Variants in EYS observed in about 807,000 individuals in gnomAD.
The protein encoded by EYS is EGF-like photoreceptor maintenance factor.
Under a neutral mutation model 282.1 loss-of-function variants are expected in EYS, and 250 were observed. That is an observed-to-expected ratio of 0.89 (90% CI 0.80 to 0.98). The LOEUF (loss-of-function observed/expected upper bound fraction) is 0.98. Among genes scored for constraint, EYS ranks in the 50% least tolerant of loss-of-function variants. EYS has a pLI of 0.00. For missense variants in EYS, 4,016 were observed against 3,709.0 expected (o/e 1.08, Z -2.15); for synonymous variants, 1,355 against 1,282.9 (o/e 1.06, Z -1.20).
intron 1 of EYS, among the ~76,000 whole-genome samples, chr6:65,650,419 G>A (rs1767613960): frequency 1.3e-5 from 2 of 152,210 alleles, no homozygotes. Flanking sequence ...GCCAGGCTGG[G>A]TTGTAACACA....
At chr6:64,950,297 CT>C (rs773891006) in intron 14 of EYS, among the ~76,000 whole-genome samples, 2 of 151,910 alleles carry the variant, frequency 1.3e-5, no homozygotes, top group Non-Finnish European at 1.5e-5. Context: ...ACTCCCAAGT[CT>C]TTATTTATTC....
Position 64,269,232 on chromosome 6 carries a change from C to T in EYS, c.6191+37738G>A, listed in dbSNP as rs143767389. ...CAAGGAAACCACACTATACTTTGCC[C>T]ATCTAAGATGGAATAGATTAATCTT... On this transcript the variant is annotated intron_variant, in intron 30 of 42. Coordinates refer to ENST00000503581, the MANE Select transcript of EYS (RefSeq NM_001142800.2). Among the ~76,000 whole-genome samples the T allele has an allele frequency of 4.3e-3, 653 of 152,124 alleles. 5 individuals carry two copies. The highest frequency in any genetic ancestry group is 0.015 in the African/African-American group (615 of 41,504).
intron 22 of EYS, among the ~76,000 whole-genome samples, chr6:64,774,533 A>G (rs544705391): frequency 6.6e-6 from 1 of 151,448 alleles, no homozygotes; most frequent in Non-Finnish European, 1.5e-5. Context: ...CCAGTTTCTC[A>G]ATTCAGCAAT....
chr6:65,598,650 T>C (rs1395615207), intron 2 of EYS, among the ~76,000 whole-genome samples: 1 of 152,138 alleles, frequency 6.6e-6, no homozygotes, highest in African/African-American at 2.4e-5. Context: ...AGCTCCTTTG[T>C]GGAAATTACA....
intron 28 of EYS, among the ~76,000 whole-genome samples, chr6:64,416,518 C>CTTTT (rs371267333): frequency 0.22 from 31,037 of 139,274 alleles, 3,777 homozygotes; most frequent in East Asian, 0.33. Context: ...GCCGTTAGGT[C>CTTTT]TTTTTTTTTT....
intron 12 of EYS, among the ~76,000 whole-genome samples, chr6:65,228,997 T>C (rs935124095): frequency 1.3e-5 from 2 of 151,930 alleles, no homozygotes; most frequent in African/African-American, 4.8e-5. Context: ...TTGCAAGATA[T>C]ACAAAAATTA....
intron 5 of EYS, among the ~76,000 whole-genome samples, chr6:65,445,623 C>A (rs147150670): frequency 1.4e-4 from 21 of 151,658 alleles, no homozygotes; most frequent in African/African-American, 5.1e-4. Flanking sequence ...AAACAGATAG[C>A]AAAATCATTG....
At chr6:65,510,745 T>A (rs1766836423) in intron 2 of EYS, among the ~76,000 whole-genome samples, 1 of 152,216 alleles carries the variant, frequency 6.6e-6, no homozygotes, top group Non-Finnish European at 1.5e-5. Flanking sequence ...GTATGTCAGT[T>A]TTCATTCATT....
At chr6:64,701,339 C>A (rs967978477) in intron 22 of EYS, among the ~76,000 whole-genome samples, 2 of 151,920 alleles carry the variant, frequency 1.3e-5, no homozygotes, top group East Asian at 1.9e-4. Context: ...GCAACAACAA[C>A]AAGAAAATAG....
In EYS at chr6:65,024,551, G is replaced by A. The variant is rs187439560; in HGVS notation, c.2138-26848C>T. 2.3e-3 allele frequency among the ~76,000 whole-genome samples: 344 copies of A among 152,280 alleles called. 3 individuals are homozygous for A. The highest frequency in any genetic ancestry group is 3.5e-3 in the Non-Finnish European group (241 of 68,020). On this transcript the variant is annotated intron_variant, in intron 13 of 42. Coordinates refer to ENST00000503581, the MANE Select transcript of EYS (RefSeq NM_001142800.2). ...TTTTCAGAATTCATGCGTCACGAATGTGGTTTACTTCTTCAAAATTGTATT... is the reference window on the plus strand; with the variant it reads ...TTTTCAGAATTCATGCGTCACGAATATGGTTTACTTCTTCAAAATTGTATT...
intron 12 of EYS, among the ~76,000 whole-genome samples, chr6:65,163,882 T>C (rs1360339115): frequency 1.3e-5 from 2 of 151,206 alleles, no homozygotes; most frequent in Non-Finnish European, 3.0e-5. Context: ...ATTTGAATAG[T>C]TGTGGTAGAT....
intron 13 of EYS, among the ~76,000 whole-genome samples, chr6:64,998,740 G>A (rs180893430): frequency 2.6e-5 from 4 of 152,264 alleles, no homozygotes; most frequent in Admixed American, 2.0e-4. Flanking sequence ...GAATTAATGT[G>A]ATAAAATGTC....
intron 12 of EYS, among the ~76,000 whole-genome samples, chr6:65,198,882 A>G (rs891684921): frequency 1.3e-5 from 2 of 152,020 alleles, no homozygotes; most frequent in African/African-American, 4.8e-5. Flanking sequence ...TATGGATTTG[A>G]TTGGGGGGTG....
At chr6:64,738,469 C>A (rs1772259569) in intron 22 of EYS, among the ~76,000 whole-genome samples, 3 of 152,146 alleles carry the variant, frequency 2.0e-5, no homozygotes, top group East Asian at 3.9e-4. Flanking sequence ...GCCAAATAAA[C>A]CTCTTTTCTT....
At chr6:63,927,834 T>C (rs1304351297) in intron 35 of EYS, among the ~76,000 whole-genome samples, 1 of 152,108 alleles carries the variant, frequency 6.6e-6, no homozygotes, top group Non-Finnish European at 1.5e-5. Context: ...AGCTTGGAGG[T>C]AGTGGTGAAG....
rs79814178 is a variant in EYS at position 65,642,422 on chromosome 6, C to T, written c.-447-2530G>A. On this transcript the variant is annotated intron_variant, in intron 1 of 42. Coordinates refer to ENST00000503581, the MANE Select transcript of EYS (RefSeq NM_001142800.2). The stretch of plus-strand genomic sequence containing the variant: ...GAGGATTTCTGTTTGTTTCAGTCAA[C>T]GGGGGCATTACTTGTCCTCAGTCAC... Among the ~76,000 whole-genome samples the T allele has an allele frequency of 2.4e-3, 370 of 152,084 alleles. 1 individual carries two copies. Among genetic ancestry groups the T allele is most frequent in the African/African-American group, 8.5e-3 (353 of 41,504 alleles).
At chr6:64,500,820 G>T (rs1487918471) in intron 26 of EYS, among the ~76,000 whole-genome samples, 13 of 152,042 alleles carry the variant, frequency 8.6e-5, no homozygotes, top group Non-Finnish European at 1.8e-4. Flanking sequence ...CAATGTGATT[G>T]TGTCAAGATG....
chr6:65,159,809 G>T lies in EYS; in HGVS notation c.2024-102082C>A, dbSNP rs532046523. ...CTTTGTAGCTTTGAAAGAAAAAATG[G>T]TGTAAATGTCATTACTCCACTATCA... On this transcript the variant is annotated intron_variant, in intron 12 of 42. Transcript: ENST00000503581. Among the ~76,000 whole-genome samples the T allele has an allele frequency of 2.7e-5, 4 of 150,912 alleles. No individual in the cohort carries two copies. The East Asian group carries it at 5.9e-4, about 22-fold the overall frequency.
At chr6:65,679,628 T>C (rs1048064736) in intron 1 of EYS, among the ~76,000 whole-genome samples, 1 of 151,902 alleles carries the variant, frequency 6.6e-6, no homozygotes, top group Non-Finnish European at 1.5e-5. Flanking sequence ...TACAATAAAG[T>C]ATATATAGTT....
Sources: allele counts gnomAD v4.1 joint callset (sites outside exome capture counted in the v4.1 genomes callset), GRCh38; gene constraint gnomAD v4.1.1; transcripts MANE v1.5; gene names NCBI Gene and HGNC (gene_info 2026-07-23, HGNC 2026-07-21).